MED12L: variants seen among roughly 807,000 people sequenced by gnomAD.
The protein encoded by MED12L is mediator complex subunit 12L, also known as mediator of RNA polymerase II transcription subunit 12-like protein.
Under a neutral mutation model 281.3 loss-of-function variants are expected in MED12L, and 60 were observed. The ratio of observed to expected loss-of-function variants is 0.21; its 90% CI spans 0.17 to 0.26. The LOEUF (loss-of-function observed/expected upper bound fraction) is 0.26. Ranked by LOEUF, MED12L falls within the 10% of genes least tolerant of loss-of-function variation. The pLI is 1.00. For synonymous variants in MED12L, 974 were observed against 987.2 expected (o/e 0.99, Z 0.25); for missense variants, 2,146 against 2,680.9 (o/e 0.80, Z 4.41).
At chr3:151,246,167 A>T (rs1208824480) in intron 16 of MED12L, among the ~76,000 whole-genome samples, 1 of 152,238 alleles carries the variant, frequency 6.6e-6, no homozygotes, top group Non-Finnish European at 1.5e-5. Flanking sequence ...GGTAGGAAGA[A>T]TAAATATCGT....
At chr3:151,198,575 A>G (rs1457481963) in intron 16 of MED12L, 1 of 1,613,924 alleles carries the variant, frequency 6.2e-7, no homozygotes, top group Non-Finnish European at 8.5e-7. Context: ...AGCCAGGAGC[A>G]GTGTAGCCTC....
rs1479248583 is a variant in MED12L at position 151,378,057 on chromosome 3, C to G, written c.4362C>G (p.Ala1454=). 2.5e-6 allele frequency: 4 copies of G among 1,610,366 alleles called. No individual in the cohort carries two copies. In the Admixed American group the frequency reaches 6.7e-5, roughly 27 times the overall value. The stretch of plus-strand genomic sequence containing the variant: ...TATGGTTGGTGGCCCCCCTCATCGC[C>G]AGGTTGCCAACTTCTGTGCAAGGAA... ...RGVWLVAPLI[A]RLPTSVQGRV... The change falls in exon 31 of 45, where the codon GCC becomes GCG. Residue 1454 remains alanine, a synonymous_variant. Transcript: ENST00000687756.
intron 5 of MED12L, among the ~76,000 whole-genome samples, chr3:151,141,954 G>A (rs1717089122): frequency 6.6e-6 from 1 of 152,158 alleles, no homozygotes; most frequent in South Asian, 2.1e-4. Context: ...ATGATAAAAT[G>A]TTAATAAGAA....
chr3:151,113,642 A>G (rs550619213), intron 2 of MED12L, among the ~76,000 whole-genome samples: 7 of 152,374 alleles, frequency 4.6e-5, no homozygotes, highest in African/African-American at 1.7e-4. Flanking sequence ...TGTGAAATTT[A>G]GAATGCAAAG....
chr3:151,418,862 T>C (rs1025973033), intron 43 of MED12L, among the ~76,000 whole-genome samples: 18 of 152,264 alleles, frequency 1.2e-4, no homozygotes, highest in Non-Finnish European at 2.4e-4. Context: ...TAATTTTTAA[T>C]TCTTTTAATT....
In MED12L at chr3:151,357,390, A is replaced by G. The variant is rs781741022; in HGVS notation, c.2825+14A>G. 1.3e-6 allele frequency: 2 copies of G among 1,552,268 alleles called. No homozygotes were observed. Among genetic ancestry groups the G allele is most frequent in the Admixed American group, 4.0e-5 (2 of 49,816 alleles). ...GGTGTTTGAAGGGTTGGTATATAGC[A>G]TGTCATTGTTGTTTTTCCAATCTCA... On this transcript the variant is annotated intron_variant, in intron 20 of 44. Transcript: ENST00000687756.
intron 11 of MED12L, among the ~76,000 whole-genome samples, chr3:151,171,652 A>G (rs578046882): frequency 3.9e-5 from 6 of 152,300 alleles, no homozygotes; most frequent in East Asian, 1.9e-4. Context: ...ATTCTTTGAA[A>G]GGTTGTGATG....
intron 11 of MED12L, 58 bp downstream of exon 11, chr3:151,166,040 T>C: frequency 6.7e-7 from 1 of 1,485,412 alleles, no homozygotes; most frequent in Non-Finnish European, 9.2e-7. Context: ...TTTTTTCTTC[T>C]TTCTCATTCA....
chr3:151,407,722 G>T (rs908539816), intron 39 of MED12L, among the ~76,000 whole-genome samples: 1 of 152,150 alleles, frequency 6.6e-6, no homozygotes, highest in African/African-American at 2.4e-5. Context: ...GAGACTAAGA[G>T]TATCTTCATG....
At chr3:151,260,785 A>G (rs575732575) in intron 16 of MED12L, among the ~76,000 whole-genome samples, 52 of 152,312 alleles carry the variant, frequency 3.4e-4, no homozygotes, top group African/African-American at 1.2e-3. Context: ...GTATTCTTGT[A>G]AATAACTGTA....
chr3:151,375,684 G>C (rs1341901990), intron 27 of MED12L, among the ~76,000 whole-genome samples: 2 of 152,092 alleles, frequency 1.3e-5, no homozygotes, highest in Non-Finnish European at 2.9e-5. Context: ...ACGTATATCT[G>C]ATAGAATCAT....
intron 2 of MED12L, among the ~76,000 whole-genome samples, chr3:151,105,411 C>T (rs899085992): frequency 2.0e-5 from 3 of 152,298 alleles, no homozygotes; most frequent in African/African-American, 4.8e-5. Flanking sequence ...TCTGCTCTTT[C>T]GAGTCTGGTT....
At chr3:151,425,327 G>C (rs1446158790) in intron 43 of MED12L, 1 of 169,238 alleles carries the variant, frequency 5.9e-6, no homozygotes, top group Non-Finnish European at 1.3e-5. Context: ...TTGAGCAGAA[G>C]AAGTAAATGT....
intron 3 of MED12L, among the ~76,000 whole-genome samples, chr3:151,117,798 A>G (rs1455185356): frequency 6.6e-6 from 1 of 152,066 alleles, no homozygotes; most frequent in Non-Finnish European, 1.5e-5. Flanking sequence ...TATCTTATCA[A>G]TTAGGAATAT....
intron 16 of MED12L, among the ~76,000 whole-genome samples, chr3:151,321,787 T>C (rs1488232235): frequency 2.6e-5 from 4 of 152,172 alleles, no homozygotes; most frequent in African/African-American, 9.7e-5. Flanking sequence ...TTCTCTTTCA[T>C]ATTATCTTGC....
At chr3:151,381,106 T>C (rs1712254155) in intron 32 of MED12L, among the ~76,000 whole-genome samples, 1 of 152,194 alleles carries the variant, frequency 6.6e-6, no homozygotes, top group Admixed American at 6.5e-5. Context: ...ACAACAGAAA[T>C]TGGAGAGCAT....
At position 151,376,187 on chromosome 3, in the gene MED12L, A is replaced by C; in HGVS notation, c.4026A>C (p.Gln1342His). The C allele has an allele frequency of 6.3e-7, 1 of 1,595,460 alleles. No individual in the cohort carries two copies. Residue 1342 changes from glutamine (Q) to histidine (H), a missense_variant, in exon 28 of 45, where the codon CAA (glutamine) becomes CAC (histidine). Around this residue, in one of 9 missense-constraint regions of MED12L, gnomAD observed 235 missense variants for 260.3 expected, o/e 0.90. Coordinates refer to ENST00000687756, the MANE Select transcript of MED12L (RefSeq NM_001393769.1). ...IKECTEGDNL[Q>H]RQHIKRILQN... ...AATGTACCGAGGGGGACAATCTGCA[A>C]AGACAGCACATTAAGCGTATTCTTC...
At chr3:151,374,901 C>T (rs1166997451) in intron 27 of MED12L, among the ~76,000 whole-genome samples, 1 of 152,044 alleles carries the variant, frequency 6.6e-6, no homozygotes, top group Non-Finnish European at 1.5e-5. Flanking sequence ...GGTTTATTCT[C>T]CCTCCCATAT....
chr3:151,309,113 A>T (rs13091740), intron 16 of MED12L, among the ~76,000 whole-genome samples: 1 of 111,532 alleles, frequency 9.0e-6, no homozygotes, highest in Non-Finnish European at 1.8e-5. Flanking sequence ...ATTTCATGAA[A>T]TACACGCACA....
Sources: gnomAD v4.1 joint callset for allele counts (sites outside exome capture counted in the v4.1 genomes callset) on GRCh38, gnomAD v4.1.1 for gene constraint, gnomAD v4.1.1 regional missense constraint, MANE v1.5 for transcripts, NCBI Gene and HGNC (gene_info 2026-07-23, HGNC 2026-07-21) for gene names.